QTGAL: variants seen among roughly 807,000 people sequenced by gnomAD.
QTGAL encodes queuosine-tRNA galactosyltransferase, also known as BGnT-like protein 1.
At chr17:83,039,239 A>G in the QTGAL span, among the ~76,000 whole-genome samples, 18,551 of 129,180 alleles carry the variant, frequency 0.14, 1,935 homozygotes, top group Non-Finnish European at 0.19. Flanking sequence ...TTCTAGACAC[A>G]CTGCTGGGCG....
At chr17:82,955,838 G>A in the QTGAL span, among the ~76,000 whole-genome samples, 2 of 152,168 alleles carry the variant, frequency 1.3e-5, no homozygotes. Flanking sequence ...ATGAGTTCAT[G>A]TCCTTTGCAG....
the QTGAL span, among the ~76,000 whole-genome samples, chr17:83,019,134 C>T: frequency 1.3e-5 from 2 of 152,156 alleles, no homozygotes; most frequent in Non-Finnish European, 2.9e-5. Flanking sequence ...TCTGAGTCCA[C>T]GTCCAGAAAG....
At chr17:82,973,781 C>A in the QTGAL span, among the ~76,000 whole-genome samples, 11 of 152,246 alleles carry the variant, frequency 7.2e-5, no homozygotes, top group Admixed American at 6.5e-5. Context: ...AACAGTCGGA[C>A]TGGGTCCCAG....
At chr17:82,970,390 G>C in the QTGAL span, among the ~76,000 whole-genome samples, 1 of 152,270 alleles carries the variant, frequency 6.6e-6, no homozygotes, top group African/African-American at 2.4e-5. Context: ...TTAGCTTCCT[G>C]TTCTCAACTT....
chr17:82,956,653 G>A, the QTGAL span: 100 of 1,505,272 alleles, frequency 6.6e-5, no homozygotes, highest in Admixed American at 1.1e-4. This position sits in a 1 kb window ranked among gnomAD's most constrained non-coding sequence, Gnocchi z 5.7. Context: ...GGCAGAGCCC[G>A]GGATCCCCAA....
At chr17:82,970,700 C>T in the QTGAL span, among the ~76,000 whole-genome samples, 3 of 115,142 alleles carry the variant, frequency 2.6e-5, no homozygotes, top group Admixed American at 8.9e-5. Flanking sequence ...CCTCTGCACA[C>T]GGTGGCTGTG....
the QTGAL span, among the ~76,000 whole-genome samples, chr17:82,973,272 C>T: frequency 1.6e-4 from 25 of 152,174 alleles, no homozygotes; most frequent in Admixed American, 1.2e-3. Flanking sequence ...AAGCAAATAA[C>T]GACTCTGAAG....
At chr17:82,966,197 G>A in the QTGAL span, among the ~76,000 whole-genome samples, 121 of 151,552 alleles carry the variant, frequency 8.0e-4, no homozygotes, top group Non-Finnish European at 1.5e-3. Flanking sequence ...GACTATAGGC[G>A]CACACCACCG....
At chr17:82,946,718 G>C in the QTGAL span, among the ~76,000 whole-genome samples, 3 of 152,334 alleles carry the variant, frequency 2.0e-5, no homozygotes, top group South Asian at 6.2e-4. Context: ...AAGCGATTCT[G>C]AAGTCGTGAA....
the QTGAL span, among the ~76,000 whole-genome samples, chr17:82,998,537 G>C: frequency 6.6e-6 from 1 of 151,942 alleles, no homozygotes; most frequent in Non-Finnish European, 1.5e-5. Context: ...AGTAGAGATG[G>C]GGTGTCACTG....
the QTGAL span, among the ~76,000 whole-genome samples, chr17:82,970,616 C>CACCCGGCGTGGCTGCGACCTCCG: frequency 9.6e-5 from 3 of 31,210 alleles, 1 homozygote; most frequent in East Asian, 2.9e-3. Flanking sequence ...CGCGACCTCC[C>CACCCGGCGTGGCTGCGACCTCCG]CACCCGGCGT....
the QTGAL span, chr17:82,945,585 T>C: frequency 2.0e-5 from 3 of 152,266 alleles, no homozygotes; most frequent in South Asian, 6.2e-4. Context: ...AGAACAAAAT[T>C]AAGTCATTTA....
the QTGAL span, chr17:82,961,241 A>C: frequency 5.7e-6 from 9 of 1,568,108 alleles, no homozygotes; most frequent in Admixed American, 1.7e-4. Flanking sequence ...CCTGCCCCGG[A>C]TGCACACTAC....
the QTGAL span, chr17:82,956,902 G>C: frequency 8.9e-7 from 1 of 1,124,266 alleles, no homozygotes; most frequent in Non-Finnish European, 1.3e-6. This position sits in a 1 kb window ranked among gnomAD's most constrained non-coding sequence, Gnocchi z 5.7. Flanking sequence ...ACGTGCCAGG[G>C]TCACAGACTG....
At chr17:83,006,728 C>A in the QTGAL span, 1 of 985,496 alleles carries the variant, frequency 1.0e-6, no homozygotes, top group South Asian at 4.7e-5. This position sits in a 1 kb window ranked among gnomAD's most constrained non-coding sequence, Gnocchi z 5.8. Context: ...TGCTCCTCGG[C>A]TCCCAGGACA....
At chr17:82,970,209 G>T in the QTGAL span, among the ~76,000 whole-genome samples, 1 of 152,202 alleles carries the variant, frequency 6.6e-6, no homozygotes, top group Non-Finnish European at 1.5e-5. Context: ...CAAGGCCACA[G>T]CACCTGGTGC....
At chr17:83,030,799 G>T in the QTGAL span, 1 of 152,286 alleles carries the variant, frequency 6.6e-6, no homozygotes, top group African/African-American at 2.4e-5. Context: ...TTCCGGGAAG[G>T]CCATGTGGCT....
the QTGAL span, among the ~76,000 whole-genome samples, chr17:82,967,999 T>C: frequency 6.6e-6 from 1 of 152,114 alleles, no homozygotes; most frequent in Non-Finnish European, 1.5e-5. Context: ...AAATCTTACA[T>C]AACGCTGAAG....
the QTGAL span, among the ~76,000 whole-genome samples, chr17:83,028,164 A>G: frequency 6.6e-6 from 1 of 151,998 alleles, no homozygotes; most frequent in African/African-American, 2.4e-5. Flanking sequence ...CCGGGGATAA[A>G]AGGTAAGAGG....
Sources: allele counts gnomAD v4.1 joint callset (sites outside exome capture counted in the v4.1 genomes callset), GRCh38; gene constraint gnomAD v4.1.1; non-coding constraint Gnocchi (gnomAD v3.1); transcripts MANE v1.5; gene names NCBI Gene and HGNC (gene_info 2026-07-23, HGNC 2026-07-21).